Variants in SAMD14 observed in about 807,000 individuals in gnomAD.
SAMD14 encodes the protein sterile alpha motif domain-containing protein 14.
Under a neutral mutation model 46.2 loss-of-function variants are expected in SAMD14, and 27 were observed. The observed-to-expected ratio is 0.58, with a 90% CI of 0.43 to 0.81. SAMD14 has a LOEUF of 0.81. SAMD14 is among the 30% of genes least tolerant of loss of function. SAMD14 has a pLI of 0.00. For missense variants in SAMD14, 559 were observed against 582.2 expected (o/e 0.96, Z 0.41); for synonymous variants, 241 against 254.3 (o/e 0.95, Z 0.50).
In SAMD14 at chr17:50,115,543, A is replaced by C. The variant is rs533333529; in HGVS notation, c.822+21T>G. ...CCTGAGACTGGGGGCCAGTTTGGGG[A>C]CAAGAAAGGCATGGACTTACCTGGG... On this transcript the variant is annotated intron_variant, in intron 7 of 9. Coordinates refer to ENST00000330175, the MANE Select transcript of SAMD14 (RefSeq NM_001257359.2). The surrounding 1 kb of genome is among the most constrained non-coding windows in gnomAD (Gnocchi z 5.3). The C allele has an allele frequency of 3.3e-6, 5 of 1,512,450 alleles. No homozygotes were observed. Among genetic ancestry groups the C allele is most frequent in the South Asian group, 2.7e-5 (2 of 75,002 alleles). 93.7% of individuals were successfully genotyped at this position (1,512,450 alleles called of 1,614,324 possible).
At position 50,130,025 on chromosome 17, in the gene SAMD14, G is replaced by A. The variant is rs1911963570; in HGVS notation, c.-521C>T. The A allele has an allele frequency of 6.6e-6, 1 of 151,600 alleles. No individual in the cohort carries two copies. The highest frequency in any genetic ancestry group is 2.1e-4 in the South Asian group (1 of 4,814). The allele number at this position is 151,600 out of a possible 1,614,324, so 9.4% of individuals were successfully genotyped here. Reference sequence around the variant, plus strand: ...GGCGTCGGGGTGGGGGGCGCGTGGCGGAGAAGCCGGGCGCCCAGGAGACAA... The same window carrying A: ...GGCGTCGGGGTGGGGGGCGCGTGGCAGAGAAGCCGGGCGCCCAGGAGACAA... On this transcript the variant is annotated 5_prime_UTR_variant, in exon 1 of 10. Transcript: ENST00000330175. The surrounding 1 kb of genome is among the most constrained non-coding windows in gnomAD (Gnocchi z 4.1).
Position 50,129,342 on chromosome 17 carries a change from A to G in SAMD14, c.-13+175T>C, listed in dbSNP as rs928709972. 1.3e-5 allele frequency among the ~76,000 whole-genome samples: 2 copies of G among 151,740 alleles called. No individual in the cohort carries two copies. The highest frequency in any genetic ancestry group is 4.8e-5 in the African/African-American group (2 of 41,294). ...GGAGGGGATTAGGGCCATAAATCCT[A>G]TCTCCGCCCCCTCCCCTGACAGCCC... is the stretch of plus-strand genomic sequence containing the variant. On this transcript the variant is annotated intron_variant, in intron 1 of 9. Coordinates refer to ENST00000330175, the MANE Select transcript of SAMD14 (RefSeq NM_001257359.2). The surrounding 1 kb of genome is among the most constrained non-coding windows in gnomAD (Gnocchi z 5.6).
Position 50,118,272 on chromosome 17 carries a change from G to C in SAMD14, c.99C>G (p.Ala33=). 6.2e-7 allele frequency: 1 copy of C among 1,614,002 alleles called. No homozygotes were observed. Among genetic ancestry groups the C allele is most frequent in the Non-Finnish European group, 8.5e-7 (1 of 1,180,020 alleles). The change falls in exon 3 of 10, where the codon GCC becomes GCG. Residue 33 remains alanine (A), a synonymous_variant. Transcript: ENST00000330175. ...TARLDSSLHK[A]RAQLLAKGRR... ...GGCCCTTGGCCAACAGTTGGGCCCG[G>C]GCCTTGTGTAAACTGCTGTCCAGTC...
chr17:50,114,567 C>CCTTTTTTTTTT, intron 7 of SAMD14: 1 of 814,756 alleles, frequency 1.2e-6, no homozygotes, highest in Non-Finnish European at 1.9e-6. Flanking sequence ...CGGTCTCAGG[C>CCTTTTTTTTTT]AAGGTGTCAC....
intron 9 of SAMD14, 136 bp downstream of exon 9, chr17:50,113,788 T>G: frequency 2.1e-6 from 2 of 940,112 alleles, no homozygotes; most frequent in Non-Finnish European, 3.2e-6. Context: ...GAGGTCAGGG[T>G]GGTGGCCACA....
chr17:50,128,023 G>A (rs944505065), intron 1 of SAMD14, among the ~76,000 whole-genome samples: 15 of 152,140 alleles, frequency 9.9e-5, no homozygotes, highest in Non-Finnish European at 1.8e-4. Flanking sequence ...CAATCAGATG[G>A]GAGCCCAGAG....
intron 3 of SAMD14, 147 bp downstream of exon 3, chr17:50,118,014 G>T: frequency 1.2e-6 from 1 of 865,826 alleles, no homozygotes; most frequent in Non-Finnish European, 1.7e-6. Flanking sequence ...AGCCAGAAGT[G>T]AACTGCAGCT....
chr17:50,121,140 C>A (rs1418952218), intron 2 of SAMD14, among the ~76,000 whole-genome samples: 1 of 152,176 alleles, frequency 6.6e-6, no homozygotes, highest in Non-Finnish European at 1.5e-5. Flanking sequence ...GGGCTCTCCT[C>A]TCCTCTGGAC....
rs1375801101 is a variant in SAMD14, at chr17:50,117,702, G to A, written c.211-7C>T. 7.0e-7 allele frequency: 1 copy of A among 1,436,166 alleles called. No homozygotes were observed. The highest frequency in any genetic ancestry group is 1.5e-5 in the South Asian group (1 of 67,566). 89.0% of individuals were successfully genotyped at this position (1,436,166 alleles called of 1,614,324 possible). Reference sequence around the variant, plus strand: ...TCCCGCAGCCATCGGTCACCTGGACGAGGGGGCAGCCGCTCACCGAGAACC... The same window carrying A: ...TCCCGCAGCCATCGGTCACCTGGACAAGGGGGCAGCCGCTCACCGAGAACC... On this transcript the variant is annotated splice_region_variant and splice_polypyrimidine_tract_variant and intron_variant, in intron 3 of 9. Transcript: ENST00000330175.
chr17:50,118,102 G>A, intron 3 of SAMD14, 59 bp downstream of exon 3: 1 of 1,502,816 alleles, frequency 6.7e-7, no homozygotes, highest in Non-Finnish European at 9.0e-7. Flanking sequence ...GATTATCCAG[G>A]GGTGGGAGGA....
chr17:50,114,118 C>T, intron 8 of SAMD14, 39 bp from the exon 9 acceptor site: 1 of 1,613,822 alleles, frequency 6.2e-7, no homozygotes, highest in East Asian at 2.2e-5. Context: ...GAGGCTTGGC[C>T]TGTGACCTGA....
At chr17:50,125,156 C>A in intron 1 of SAMD14, 185 bp from the exon 2 acceptor site, 4 of 587,354 alleles carry the variant, frequency 6.8e-6, no homozygotes, top group Non-Finnish European at 1.2e-5. Context: ...TGGTGGGCGC[C>A]GGGGCAGGCA....
At chr17:50,124,108 C>T in intron 2 of SAMD14, 1 of 456,244 alleles carries the variant, frequency 2.2e-6, no homozygotes, top group Non-Finnish European at 4.4e-6. Context: ...CTCCAAGTTC[C>T]TTTGCTCAGG....
Position 50,118,194 on chromosome 17 carries a change from C to T in SAMD14, c.177G>A (p.Glu59=). The T allele has an allele frequency of 6.2e-7, 1 of 1,608,564 alleles. No homozygotes were observed. The highest frequency in any genetic ancestry group is 1.7e-5 in the Admixed American group (1 of 59,574). The part of the protein sequence containing the change: ...SRLRDSASSA[E]DGEGSDGPGG... ...CGGGCCCATCCGAGCCTTCACCATC[C>T]TCCGCGGAGCTGGCACTGTCCCGAA... Residue 59 remains glutamate (E), a synonymous_variant, in exon 3 of 10, where the codon GAG becomes GAA. Coordinates refer to ENST00000330175, the MANE Select transcript of SAMD14 (RefSeq NM_001257359.2).
chr17:50,128,841 T>A (rs999508775), intron 1 of SAMD14, among the ~76,000 whole-genome samples: 5 of 151,276 alleles, frequency 3.3e-5, no homozygotes, highest in African/African-American at 1.2e-4. Context: ...CCACGGGAAC[T>A]GGCACTGGGA....
At position 50,118,159 on chromosome 17, in the gene SAMD14, A is replaced by T; in HGVS notation, c.210+2T>A. On this transcript the variant is annotated splice_donor_variant, in intron 3 of 9. Transcript: ENST00000330175. LOFTEE classifies it high-confidence loss of function. The stretch of plus-strand genomic sequence containing the variant: ...ATATGTGTTTTCCTAACTTGCCCCA[A>T]CCTTGCCTCCGGGCCCATCCGAGCC... 1 of 1,586,576 alleles carries T rather than the reference A, an allele frequency of 6.3e-7. No individual in the cohort carries two copies. The highest frequency in any genetic ancestry group is 8.6e-7 in the Non-Finnish European group (1 of 1,163,548).
chr17:50,113,854 A>C (rs1598221429), intron 9 of SAMD14, 70 bp downstream of exon 9: 2 of 1,584,428 alleles, frequency 1.3e-6, no homozygotes, highest in South Asian at 2.2e-5. Context: ...GGTCAGGATG[A>C]GGGACTTCAA....
Position 50,112,809 on chromosome 17 carries a change from C to G in SAMD14, c.*84G>C, listed in dbSNP as rs1910924010. Reference sequence around the variant, plus strand: ...GGACCAGGCTAGCCCAAGTGCAGCGCCCAGGTCCAGCCTCCCTGGTGAGGC... The same window carrying G: ...GGACCAGGCTAGCCCAAGTGCAGCGGCCAGGTCCAGCCTCCCTGGTGAGGC... On this transcript the variant is annotated 3_prime_UTR_variant, in exon 10 of 10. Coordinates refer to ENST00000330175, the MANE Select transcript of SAMD14 (RefSeq NM_001257359.2). 1.3e-6 allele frequency: 2 copies of G among 1,482,480 alleles called. No homozygotes were observed. The highest frequency in any genetic ancestry group is 1.8e-6 in the Non-Finnish European group (2 of 1,105,292). The allele number at this position is 1,482,480 out of a possible 1,614,324, so 91.8% of individuals were successfully genotyped here.
At chr17:50,119,438 C>T (rs76729415) in intron 2 of SAMD14, among the ~76,000 whole-genome samples, 172 of 152,196 alleles carry the variant, frequency 1.1e-3, no homozygotes, top group African/African-American at 3.9e-3. Flanking sequence ...CACTCATGCC[C>T]ACCCTGCCTT....
Sources: allele counts gnomAD v4.1 joint callset (sites outside exome capture counted in the v4.1 genomes callset), GRCh38; gene constraint gnomAD v4.1.1; non-coding constraint Gnocchi (gnomAD v3.1); transcripts MANE v1.5; gene names NCBI Gene and HGNC (gene_info 2026-07-23, HGNC 2026-07-21).